CERS6: variants seen among roughly 807,000 people sequenced by gnomAD.
CERS6 encodes the protein LAG1 homolog, ceramide synthase 6.
CERS6 carries 26 observed loss-of-function variants against 56.8 expected under a neutral mutation model. The ratio of observed to expected loss-of-function variants is 0.46; its 90% CI spans 0.34 to 0.63. The LOEUF is 0.63. Ranked by LOEUF, CERS6 falls within the 30% of genes least tolerant of loss-of-function variation. CERS6 has a pLI of 0.01. For missense variants in CERS6, 415 were observed against 467.5 expected (o/e 0.89, Z 1.04); for synonymous variants, 164 against 173.3 (o/e 0.95, Z 0.42).
rs1211427370 is a variant in CERS6 at position 168,772,001 on chromosome 2, T to A, written c.*2339T>A. 1.3e-5 allele frequency: 2 copies of A among 152,188 alleles called. No homozygotes were observed. Among genetic ancestry groups the A allele is most frequent in the Non-Finnish European group, 2.9e-5 (2 of 68,034 alleles). The allele number at this position is 152,188 out of a possible 1,614,324, so 9.4% of individuals were successfully genotyped here. Reference sequence around the variant, plus strand: ...ATTTTACATTTTAGGGCACAGTTCTTTGGGGCTAATTAAAATGGGGTTTGC... The same window carrying A: ...ATTTTACATTTTAGGGCACAGTTCTATGGGGCTAATTAAAATGGGGTTTGC... On this transcript the variant is annotated 3_prime_UTR_variant, in exon 10 of 10. Transcript: ENST00000305747.
At chr2:168,652,037 C>CT (rs148130804) in intron 4 of CERS6, among the ~76,000 whole-genome samples, 11 of 151,372 alleles carry the variant, frequency 7.3e-5, no homozygotes, top group East Asian at 5.8e-4. Flanking sequence ...CCCCCACCCC[C>CT]TTTTTTTTGG....
At chr2:168,658,566 G>C (rs1685551068) in intron 4 of CERS6, among the ~76,000 whole-genome samples, 1 of 152,234 alleles carries the variant, frequency 6.6e-6, no homozygotes, top group Non-Finnish European at 1.5e-5. Flanking sequence ...CCAGCGTCAG[G>C]CGTGCTTGAT....
At chr2:168,508,200 G>A (rs1159905463) in intron 1 of CERS6, among the ~76,000 whole-genome samples, 1 of 152,184 alleles carries the variant, frequency 6.6e-6, no homozygotes, top group Non-Finnish European at 1.5e-5. Context: ...TTACAATAGG[G>A]TTGTCTAACT....
intron 6 of CERS6, among the ~76,000 whole-genome samples, chr2:168,705,492 T>C (rs1402562399): frequency 6.6e-6 from 1 of 152,136 alleles, no homozygotes; most frequent in African/African-American, 2.4e-5. Context: ...AGTAGGAAGC[T>C]CAGGCAGTTG....
chr2:168,692,145 A>G (rs1686521370), intron 5 of CERS6, among the ~76,000 whole-genome samples: 1 of 152,168 alleles, frequency 6.6e-6, no homozygotes, highest in African/African-American at 2.4e-5. Flanking sequence ...TAAATAAGCA[A>G]TAGAACATGG....
chr2:168,540,169 G>A (rs905477244), intron 1 of CERS6, among the ~76,000 whole-genome samples: 29 of 148,952 alleles, frequency 1.9e-4, no homozygotes, highest in African/African-American at 6.9e-4. Context: ...TTTTTTTTCC[G>A]CTTCCAGTAT....
rs548569029 is a variant in CERS6 at position 168,536,547 on chromosome 2, C to T, written c.171-11049C>T. On this transcript the variant is annotated intron_variant, in intron 1 of 9. Coordinates refer to ENST00000305747, the MANE Select transcript of CERS6 (RefSeq NM_203463.3). ...TATATGTATCCTATAACATGTTGCA[C>T]ACCTCAAATATACACAACAAAATTT... Among the ~76,000 whole-genome samples the T allele has an allele frequency of 4.6e-5, 7 of 152,156 alleles. No homozygotes were observed. The South Asian group carries it at 1.2e-3, about 27-fold the overall frequency.
In CERS6 at chr2:168,522,741, G is replaced by A. The variant is rs115378690; in HGVS notation, c.171-24855G>A. On this transcript the variant is annotated intron_variant, in intron 1 of 9. Coordinates refer to ENST00000305747, the MANE Select transcript of CERS6 (RefSeq NM_203463.3). The stretch of plus-strand genomic sequence containing the variant: ...ATTTTTACTTTTTTGTAGAGACAGG[G>A]TCTCACTTTGTTGCCCAGGCTGGGC... Among the ~76,000 whole-genome samples, 958 of 152,230 alleles carry A rather than the reference G, an allele frequency of 6.3e-3. 18 individuals carry two copies. The highest frequency in any genetic ancestry group is 0.022 in the African/African-American group (909 of 41,548).
intron 3 of CERS6, among the ~76,000 whole-genome samples, chr2:168,609,285 C>T (rs528615629): frequency 9.1e-4 from 139 of 152,234 alleles, no homozygotes; most frequent in Non-Finnish European, 1.5e-3. Context: ...AGTCACCACC[C>T]CTGGCCTCCC....
At chr2:168,728,068 G>A (rs1683400726) in intron 8 of CERS6, among the ~76,000 whole-genome samples, 1 of 152,194 alleles carries the variant, frequency 6.6e-6, no homozygotes, top group Non-Finnish European at 1.5e-5. Context: ...GTAGGACAAA[G>A]CAGCCCACTG....
chr2:168,575,189 TG>T (rs1294615578), intron 3 of CERS6, among the ~76,000 whole-genome samples: 1 of 152,206 alleles, frequency 6.6e-6, no homozygotes, highest in African/African-American at 2.4e-5. Context: ...GAATTTAAAA[TG>T]GGGCCATTAG....
intron 4 of CERS6, among the ~76,000 whole-genome samples, chr2:168,690,263 T>C (rs1234206465): frequency 2.0e-5 from 3 of 152,158 alleles, no homozygotes; most frequent in Non-Finnish European, 4.4e-5. Context: ...AGATAAGGGA[T>C]GCAAAAGAAT....
chr2:168,676,681 G>T (rs1686068158), intron 4 of CERS6, among the ~76,000 whole-genome samples: 1 of 152,124 alleles, frequency 6.6e-6, no homozygotes, highest in Admixed American at 6.5e-5. Flanking sequence ...GTATCAAAAT[G>T]GCGCTCTATG....
At chr2:168,597,308 C>T (rs992391832) in intron 3 of CERS6, among the ~76,000 whole-genome samples, 11 of 152,212 alleles carry the variant, frequency 7.2e-5, no homozygotes, top group Admixed American at 3.3e-4. Flanking sequence ...ATTTAAAGCA[C>T]CCTCTAACAA....
intron 2 of CERS6, among the ~76,000 whole-genome samples, chr2:168,549,755 A>G (rs1695532985): frequency 6.6e-6 from 1 of 152,240 alleles, no homozygotes; most frequent in South Asian, 2.1e-4. Flanking sequence ...AGCGTCATGT[A>G]AAATATAAAT....
intron 4 of CERS6, among the ~76,000 whole-genome samples, chr2:168,674,967 T>TTTATTTAC (rs1310968365): frequency 3.9e-4 from 2 of 5,174 alleles, no homozygotes; most frequent in Non-Finnish European, 2.2e-3. Context: ...ACCTTATTTA[T>TTTATTTAC]TTATTTATTT....
chr2:168,564,735 C>G (rs1457450010), intron 3 of CERS6, among the ~76,000 whole-genome samples: 1 of 152,196 alleles, frequency 6.6e-6, no homozygotes, highest in Non-Finnish European at 1.5e-5. Context: ...CCCAGGCCCT[C>G]TCTGAAGTGT....
intron 3 of CERS6, among the ~76,000 whole-genome samples, chr2:168,581,930 A>G (rs890118043): frequency 1.3e-5 from 2 of 152,078 alleles, no homozygotes; most frequent in African/African-American, 4.8e-5. Context: ...CATGGACGAT[A>G]CCCCAGCCCA....
At chr2:168,627,804 A>G (rs1470604567) in intron 3 of CERS6, among the ~76,000 whole-genome samples, 1 of 151,846 alleles carries the variant, frequency 6.6e-6, no homozygotes, top group Non-Finnish European at 1.5e-5. Context: ...AGAAACAGCT[A>G]TAATTAGATT....
Sources: gnomAD v4.1 joint callset for allele counts (sites outside exome capture counted in the v4.1 genomes callset) on GRCh38, gnomAD v4.1.1 for gene constraint, MANE v1.5 for transcripts, NCBI Gene and HGNC (gene_info 2026-07-23, HGNC 2026-07-21) for gene names.